Variants in DTD1 observed in about 807,000 individuals in gnomAD.
DTD1 encodes the protein D-aminoacyl-tRNA deacylase 1, also known as D-tyrosyl-tRNA deacylase 1 homolog.
In DTD1, 13 loss-of-function variants were observed where a neutral mutation model predicts 25.6. The ratio of observed to expected loss-of-function variants is 0.51; its 90% CI spans 0.33 to 0.81. The LOEUF (loss-of-function observed/expected upper bound fraction) is 0.81. Among genes scored for constraint, DTD1 ranks in the 30% least tolerant of loss-of-function variants. DTD1 has a pLI of 0.02. For synonymous variants in DTD1, 110 were observed against 103.6 expected (o/e 1.06, Z -0.37); for missense variants, 193 against 266.4 (o/e 0.72, Z 1.92).
chr20:18,708,355 TATATATA>T (rs2061143913), intron 4 of DTD1, among the ~76,000 whole-genome samples: 1 of 71,590 alleles, frequency 1.4e-5, no homozygotes. Context: ...ATTATATATC[TATATATA>T]TATTTTTTTT....
Position 18,708,266 on chromosome 20 carries a change from TA to T in DTD1, c.478-35833del, listed in dbSNP as rs2061140046. On this transcript the variant is annotated intron_variant, in intron 4 of 5. Coordinates refer to ENST00000377452, the MANE Select transcript of DTD1 (RefSeq NM_080820.6). ...TATAATATATATTATATATATATTT[TA>T]TATATATATAATATATATTATATAT... Among the ~76,000 whole-genome samples, 43 of 20,676 alleles carry T rather than the reference TA, an allele frequency of 2.1e-3. 1 individual carries two copies. The highest frequency in any genetic ancestry group is 3.1e-3 in the Non-Finnish European group (28 of 9,144). The allele number at this position is 20,676 out of a possible 152,430, so 13.6% of individuals were successfully genotyped here. A position where few individuals can be genotyped will look rare whatever the true frequency, so the allele number is the denominator to read the frequency against.
chr20:18,668,063 T>A (rs2060938522), intron 4 of DTD1, among the ~76,000 whole-genome samples: 1 of 152,248 alleles, frequency 6.6e-6, no homozygotes, highest in Non-Finnish European at 1.5e-5. Flanking sequence ...CAAGATGCAT[T>A]GCTTTTAACA....
In DTD1 at chr20:18,629,296, C is replaced by CTTTTTT. The variant is rs35174616; in HGVS notation, c.477+1080_477+1085dup. The stretch of plus-strand genomic sequence containing the variant: ...CAGGTGTAATCCCACTGTGCTCGGC[C>CTTTTTT]TTTTTTTTTTTTTTTTTTTTTTGAG... On this transcript the variant is annotated intron_variant, in intron 4 of 5. Coordinates refer to ENST00000377452, the MANE Select transcript of DTD1 (RefSeq NM_080820.6). 4.2e-3 allele frequency among the ~76,000 whole-genome samples: 288 copies of CTTTTTT among 69,218 alleles called. 7 individuals carry two copies. The highest frequency in any genetic ancestry group is 6.0e-3 in the Non-Finnish European group (231 of 38,418). 45.4% of individuals were successfully genotyped at this position (69,218 alleles called of 152,430 possible).
At chr20:18,660,260 C>A (rs1303687448) in intron 4 of DTD1, among the ~76,000 whole-genome samples, 1 of 152,150 alleles carries the variant, frequency 6.6e-6, no homozygotes, top group African/African-American at 2.4e-5. Context: ...CGTTCTGTTG[C>A]CCAGGCTGGA....
At chr20:18,708,347 T>A (rs1421652972) in intron 4 of DTD1, among the ~76,000 whole-genome samples, 4 of 70,218 alleles carry the variant, frequency 5.7e-5, no homozygotes, top group African/African-American at 2.1e-4. Context: ...ATATATATAT[T>A]ATATATCTAT....
intron 4 of DTD1, chr20:18,632,462 C>T: frequency 1.0e-6 from 1 of 985,448 alleles, no homozygotes; most frequent in South Asian, 4.7e-5. Flanking sequence ...CCTCTCTCTG[C>T]CTTTTCTTCT....
rs193241484 is a variant in DTD1 at position 18,636,322 on chromosome 20, T to G, written c.477+8089T>G. Among the ~76,000 whole-genome samples, 300 of 152,290 alleles carry G rather than the reference T, an allele frequency of 2.0e-3. 1 individual carries two copies. The highest frequency in any genetic ancestry group is 3.5e-3 in the Non-Finnish European group (241 of 68,020). On this transcript the variant is annotated intron_variant, in intron 4 of 5. Coordinates refer to ENST00000377452, the MANE Select transcript of DTD1 (RefSeq NM_080820.6). Reference sequence around the variant, plus strand: ...GTATTTTAATTGGGAATTCTTAGCTTGTTAAGTGATTTACCAGGAGCTTCA... The same window carrying G: ...GTATTTTAATTGGGAATTCTTAGCTGGTTAAGTGATTTACCAGGAGCTTCA...
At chr20:18,592,039 G>A (rs969003126) in intron 1 of DTD1, among the ~76,000 whole-genome samples, 3 of 152,208 alleles carry the variant, frequency 2.0e-5, no homozygotes, top group African/African-American at 7.2e-5. Flanking sequence ...GATCTGAATA[G>A]CAGGTGGTCT....
chr20:18,607,326 A>G (rs2060664113), intron 3 of DTD1, among the ~76,000 whole-genome samples: 1 of 151,790 alleles, frequency 6.6e-6, no homozygotes, highest in Non-Finnish European at 1.5e-5. Context: ...ACACCTGGCT[A>G]ATTTTTGTAT....
intron 3 of DTD1, among the ~76,000 whole-genome samples, chr20:18,608,056 C>CAGAA (rs948471823): frequency 6.6e-6 from 1 of 152,036 alleles, no homozygotes; most frequent in Non-Finnish European, 1.5e-5. Context: ...TTGTACCTTT[C>CAGAA]AAGAAATTGG....
intron 4 of DTD1, among the ~76,000 whole-genome samples, chr20:18,644,995 A>T (rs6112047): frequency 0.18 from 27,191 of 151,936 alleles, 2,630 homozygotes; most frequent in East Asian, 0.35. Context: ...ATAATAATAA[A>T]AAAAAATTAG....
chr20:18,707,514 A>G (rs1424235281), intron 4 of DTD1, among the ~76,000 whole-genome samples: 2 of 152,184 alleles, frequency 1.3e-5, no homozygotes, highest in Non-Finnish European at 2.9e-5. Flanking sequence ...CTCTGGCCAT[A>G]GAGTGCTGTG....
chr20:18,708,197 A>T (rs1174793734), intron 4 of DTD1, among the ~76,000 whole-genome samples: 4 of 24,892 alleles, frequency 1.6e-4, no homozygotes, highest in African/African-American at 4.7e-4. Context: ...TATATATATT[A>T]TATATATATT....
intron 5 of DTD1, among the ~76,000 whole-genome samples, chr20:18,756,623 G>A (rs955827833): frequency 8.3e-4 from 126 of 152,080 alleles, no homozygotes; most frequent in Admixed American, 2.0e-3. Context: ...TGTTCCATTG[G>A]TCTATATCTC....
chr20:18,692,730 G>A (rs755931127), intron 4 of DTD1, among the ~76,000 whole-genome samples: 6 of 152,126 alleles, frequency 3.9e-5, no homozygotes, highest in Non-Finnish European at 8.8e-5. Flanking sequence ...TATAAATTAT[G>A]TTTACTTTTT....
At chr20:18,673,323 A>G (rs966760218) in intron 4 of DTD1, among the ~76,000 whole-genome samples, 3 of 152,334 alleles carry the variant, frequency 2.0e-5, no homozygotes, top group South Asian at 2.1e-4. Flanking sequence ...CTACAAGTCA[A>G]AACACATGGT....
intron 5 of DTD1, among the ~76,000 whole-genome samples, chr20:18,745,947 T>C (rs6136502): frequency 0.14 from 21,928 of 152,054 alleles, 1,690 homozygotes; most frequent in Admixed American, 0.2. Flanking sequence ...TAGGAGGTGA[T>C]TGCAGAAGTC....
rs1225262977 is a variant in DTD1 at position 18,766,204 on chromosome 20, C to T, written c.*2864C>T. The T allele has an allele frequency of 1.3e-5, 2 of 152,164 alleles. No homozygotes were observed. Among genetic ancestry groups the T allele is most frequent in the African/African-American group, 4.8e-5 (2 of 41,436 alleles). The allele number at this position is 152,164 out of a possible 1,614,324, so 9.4% of individuals were successfully genotyped here. On this transcript the variant is annotated 3_prime_UTR_variant, in exon 6 of 6. Coordinates refer to ENST00000377452, the MANE Select transcript of DTD1 (RefSeq NM_080820.6). ...ATTTCATTGATTTGATCATAAGGAACAAATAGTTCCGCAAACACCCTATTT... is the reference window on the plus strand; with the variant it reads ...ATTTCATTGATTTGATCATAAGGAATAAATAGTTCCGCAAACACCCTATTT...
At chr20:18,674,626 T>C (rs1266303784) in intron 4 of DTD1, 1 of 152,314 alleles carries the variant, frequency 6.6e-6, no homozygotes, top group African/African-American at 2.4e-5. Flanking sequence ...CTATCTCCTC[T>C]GGGGGAGCTG....
Sources: allele counts gnomAD v4.1 joint callset (sites outside exome capture counted in the v4.1 genomes callset), GRCh38; gene constraint gnomAD v4.1.1; transcripts MANE v1.5; gene names NCBI Gene and HGNC (gene_info 2026-07-23, HGNC 2026-07-21).